Variants in WNK2 observed in about 807,000 individuals in gnomAD.
The protein encoded by WNK2 is serine/threonine-protein kinase WNK2.
A neutral mutation model predicts 192.1 loss-of-function variants in WNK2; 67 were observed. That is an observed-to-expected ratio of 0.35 (90% confidence interval 0.29 to 0.43). The LOEUF is 0.43. Ranked by LOEUF, WNK2 falls within the 20% of genes least tolerant of loss-of-function variation. WNK2 has a pLI of 1.00. For synonymous variants in WNK2, 1,439 were observed against 1,393.9 expected (o/e 1.03, Z -0.72); for missense variants, 2,698 against 3,089.7 (o/e 0.87, Z 3.01).
intron 29 of WNK2, chr9:93,318,480 T>TG (rs1564254261): frequency 6.2e-7 from 1 of 1,614,130 alleles, no homozygotes; most frequent in South Asian, 1.1e-5. Flanking sequence ...TGTCAGTTGT[T>TG]GCGCTGGGCC....
intron 2 of WNK2, among the ~76,000 whole-genome samples, chr9:93,206,389 T>C (rs1026781938): frequency 6.6e-6 from 1 of 152,110 alleles, no homozygotes; most frequent in Non-Finnish European, 1.5e-5. Flanking sequence ...CTGGCCTTGG[T>C]GGCTGAGGGC....
rs184256124 is a variant in WNK2, at chr9:93,214,652, G to A, written c.682-15044G>A. Among the ~76,000 whole-genome samples the A allele has an allele frequency of 4.2e-5, 6 of 143,138 alleles. No homozygotes were observed. The Admixed American group carries it at 4.5e-4, about 11-fold the overall frequency. 93.9% of individuals were successfully genotyped at this position (143,138 alleles called of 152,430 possible). ...TGCATAGTCATTTTACATGGTTTCT[G>A]TTGAGGTCAGCTGTCAGTCTACTTG... On this transcript the variant is annotated intron_variant, in intron 2 of 29. Transcript: ENST00000427277.
chr9:93,320,329 G>C (rs772605959), intron 29 of WNK2, 38 bp from the exon 30 acceptor site: 1 of 1,367,174 alleles, frequency 7.3e-7, no homozygotes. Flanking sequence ...CCAGCACTGC[G>C]GTGGGCCCAC....
At chr9:93,184,780 C>T (rs1210096243) in intron 1 of WNK2, 148 bp from the exon 2 acceptor site, 1 of 653,016 alleles carries the variant, frequency 1.5e-6, no homozygotes, top group African/African-American at 1.9e-5. Flanking sequence ...CCCCCTTTCC[C>T]AGGGCCCCCA....
rs1465129659 is a variant in WNK2 at position 93,259,526 on chromosome 9, C to T, written c.2978C>T (p.Pro993Leu). 6.3e-7 allele frequency: 1 copy of T among 1,588,146 alleles called. No homozygotes were observed. ...QPMLPPQPVL[P>L]PQPALPVRPE... ...ATGCTGCCCCCACAACCTGTGCTGC[C>T]CCCGCAGCCGGCACTGCCTGTGCGC... Residue 993 changes from proline (P) to leucine (L), a missense_variant, in exon 12 of 30, where the codon CCC (proline) becomes CTC (leucine). Coordinates refer to ENST00000427277, the MANE Select transcript of WNK2 (RefSeq NM_006648.4). The surrounding 1 kb of genome is among the most constrained non-coding windows in gnomAD (Gnocchi z 4.8).
In WNK2 at chr9:93,311,609, T is replaced by TTTTGTGTGTGTG. The variant is rs754885668; in HGVS notation, c.6516+3026_6516+3027insTTGTGTGTGTGT. Among the ~76,000 whole-genome samples, 3 of 30,744 alleles carry TTTTGTGTGTGTG rather than the reference T, an allele frequency of 9.8e-5. No homozygotes were observed. In the South Asian group the frequency reaches 6.7e-3, roughly 69 times the overall value. The allele number at this position is 30,744 out of a possible 152,430, so 20.2% of individuals were successfully genotyped here. A position where few individuals can be genotyped will look rare whatever the true frequency, so the allele number is the denominator to read the frequency against. On this transcript the variant is annotated intron_variant, in intron 28 of 29. Coordinates refer to ENST00000427277, the MANE Select transcript of WNK2 (RefSeq NM_006648.4). ...CAGAAGATTTCCTTTCTGGGTTTTT[T>TTTTGTGTGTGTG]TGTTTGTGTGTGTGTGTGTGTGTGT...
intron 2 of WNK2, among the ~76,000 whole-genome samples, chr9:93,215,661 A>G (rs781476484): frequency 1.3e-5 from 2 of 151,976 alleles, no homozygotes; most frequent in Admixed American, 6.6e-5. Flanking sequence ...CTAGATTTCT[A>G]TTTGTTTCTG....
chr9:93,294,666 G>T (rs1849953422), intron 23 of WNK2, among the ~76,000 whole-genome samples: 1 of 152,164 alleles, frequency 6.6e-6, no homozygotes, highest in Admixed American at 6.5e-5. Context: ...GCTGCTATAG[G>T]CTCTGAGAGC....
chr9:93,240,019 C>T, intron 7 of WNK2, 43 bp downstream of exon 7: 5 of 1,569,074 alleles, frequency 3.2e-6, no homozygotes, highest in Non-Finnish European at 4.3e-6. Context: ...CAGGTGTTGG[C>T]AGCTCGTGGT....
intron 16 of WNK2, chr9:93,267,252 A>G (rs7021187): frequency 0.89 from 137,091 of 154,234 alleles, 61,893 homozygotes; most frequent in East Asian, 1. Context: ...CAGGTGACAT[A>G]TGGCCATCCT....
At chr9:93,219,146 TCCTC>T (rs1182600094) in intron 2 of WNK2, among the ~76,000 whole-genome samples, 11 of 152,250 alleles carry the variant, frequency 7.2e-5, no homozygotes, top group Admixed American at 3.9e-4. Flanking sequence ...CAAGCTCTCT[TCCTC>T]CCTCCAGCCT....
intron 29 of WNK2, chr9:93,318,722 G>C (rs1164008988): frequency 2.3e-5 from 33 of 1,444,556 alleles, no homozygotes; most frequent in Non-Finnish European, 2.7e-5. Flanking sequence ...CTGGCATGCA[G>C]ACCGCTCTCC....
At chr9:93,305,984 TG>T (rs1005276397) in intron 26 of WNK2, among the ~76,000 whole-genome samples, 13 of 152,106 alleles carry the variant, frequency 8.5e-5, no homozygotes, top group African/African-American at 3.1e-4. Context: ...CAGCCTGCCC[TG>T]GGGACCTTGT....
intron 28 of WNK2, chr9:93,316,009 T>C (rs1309805621): frequency 6.6e-6 from 1 of 152,220 alleles, no homozygotes; most frequent in Non-Finnish European, 1.5e-5. Flanking sequence ...TAAATCTGTT[T>C]TTTTCCTCTC....
At chr9:93,211,607 C>T (rs572583339) in intron 2 of WNK2, among the ~76,000 whole-genome samples, 1 of 151,010 alleles carries the variant, frequency 6.6e-6, no homozygotes, top group Admixed American at 6.6e-5. Context: ...TCCACTCACT[C>T]ACCCACTCAT....
rs375704283 is a variant in WNK2 at position 93,230,741 on chromosome 9, C to T, written c.855-147C>T. 31 of 784,840 alleles carry T rather than the reference C, an allele frequency of 3.9e-5. No individual in the cohort carries two copies. In the African/African-American group the frequency reaches 4.0e-4, roughly 10 times the overall value. The allele number at this position is 784,840 out of a possible 1,614,324, so 48.6% of individuals were successfully genotyped here. The stretch of plus-strand genomic sequence containing the variant: ...CCAGGGCGGAACTGTCCGGCCCTCC[C>T]GTCTCACCTTCACTACCTGTCACGG... On this transcript the variant is annotated intron_variant, in intron 3 of 29. Transcript: ENST00000427277.
chr9:93,307,199 G>T, intron 27 of WNK2: 2 of 255,602 alleles, frequency 7.8e-6, no homozygotes, highest in Non-Finnish European at 1.5e-5. Flanking sequence ...GGACTGAGTG[G>T]GTATTAGTCT....
intron 2 of WNK2, among the ~76,000 whole-genome samples, chr9:93,224,422 C>T (rs985369249): frequency 6.6e-6 from 1 of 152,220 alleles, no homozygotes; most frequent in South Asian, 2.1e-4. Context: ...CTCTGATGCT[C>T]TCAGTCAACA....
At chr9:93,249,637 C>T (rs1298808365) in intron 8 of WNK2, among the ~76,000 whole-genome samples, 1 of 152,048 alleles carries the variant, frequency 6.6e-6, no homozygotes, top group Non-Finnish European at 1.5e-5. Context: ...TCACGCCCAG[C>T]TAATTTTTTT....
Sources: gnomAD v4.1 joint callset for allele counts (sites outside exome capture counted in the v4.1 genomes callset) on GRCh38, gnomAD v4.1.1 for gene constraint, Gnocchi (gnomAD v3.1) non-coding constraint, MANE v1.5 for transcripts, NCBI Gene and HGNC (gene_info 2026-07-23, HGNC 2026-07-21) for gene names.